Variants in PDE1C observed in about 807,000 individuals in gnomAD.
The protein encoded by PDE1C is dual specificity calcium/calmodulin-dependent 3',5'-cyclic nucleotide phosphodiesterase 1C.
PDE1C carries 62 observed loss-of-function variants against 93.1 expected under a neutral mutation model. That is an observed-to-expected ratio of 0.67 (90% CI 0.54 to 0.82). The LOEUF (loss-of-function observed/expected upper bound fraction) is 0.82, where lower values mean the gene tolerates loss of function less well. PDE1C is among the 40% of genes least tolerant of loss of function. The pLI is 0.00. For missense variants in PDE1C, 742 were observed against 884.6 expected (o/e 0.84, Z 2.04); for synonymous variants, 325 against 310.1 (o/e 1.05, Z -0.50).
intron 1 of PDE1C, among the ~76,000 whole-genome samples, chr7:32,361,099 G>A (rs189517866): frequency 6.6e-6 from 1 of 152,336 alleles, no homozygotes; most frequent in Admixed American, 6.5e-5. Context: ...GAGACACCAT[G>A]CAGGGCACCT....
chr7:32,169,132 G>A (rs1802485985), intron 3 of PDE1C, among the ~76,000 whole-genome samples: 1 of 151,800 alleles, frequency 6.6e-6, no homozygotes, highest in Non-Finnish European at 1.5e-5. Flanking sequence ...ACCCATTTGG[G>A]GAAAAAAAAA....
chr7:31,739,742 A>G, the PDE1C span, among the ~76,000 whole-genome samples: 4 of 152,220 alleles, frequency 2.6e-5, no homozygotes, highest in African/African-American at 9.6e-5. Flanking sequence ...TTTGGTGAAC[A>G]CTCAGTCAGT....
At chr7:32,273,754 C>G (rs1811118447) in intron 1 of PDE1C, among the ~76,000 whole-genome samples, 1 of 152,212 alleles carries the variant, frequency 6.6e-6, no homozygotes, top group African/African-American at 2.4e-5. Context: ...CCAACTGACT[C>G]ATCACCAAAA....
At chr7:32,028,759 T>C (rs916987380) in intron 2 of PDE1C, among the ~76,000 whole-genome samples, 1 of 152,112 alleles carries the variant, frequency 6.6e-6, no homozygotes, top group Non-Finnish European at 1.5e-5. Flanking sequence ...TTATTAACTA[T>C]ATTCACTACA....
At chr7:32,375,921 C>T (rs13221830) in intron 1 of PDE1C, among the ~76,000 whole-genome samples, 2,074 of 152,242 alleles carry the variant, frequency 0.014, 32 homozygotes, top group Middle Eastern at 0.041. Flanking sequence ...TTTGGGAGGC[C>T]GAGGCAGGCA....
chr7:31,783,349 T>C (rs1389096263), intron 16 of PDE1C, among the ~76,000 whole-genome samples: 1 of 152,152 alleles, frequency 6.6e-6, no homozygotes, highest in Non-Finnish European at 1.5e-5. Context: ...TGTGTATGTC[T>C]TTCAGCATGC....
chr7:32,109,154 A>G (rs1341820374), intron 3 of PDE1C, among the ~76,000 whole-genome samples: 4 of 152,156 alleles, frequency 2.6e-5, no homozygotes, highest in Non-Finnish European at 5.9e-5. Flanking sequence ...AACAAAATGT[A>G]CTCATATTTA....
intron 16 of PDE1C, among the ~76,000 whole-genome samples, chr7:31,782,141 G>A (rs1209095084): frequency 6.6e-6 from 1 of 152,156 alleles, no homozygotes; most frequent in African/African-American, 2.4e-5. Context: ...CAGAGAGGTG[G>A]TTAAGTAAAT....
intron 9 of PDE1C, among the ~76,000 whole-genome samples, chr7:31,844,337 G>C (rs1472590058): frequency 2.0e-5 from 3 of 151,712 alleles, no homozygotes; most frequent in African/African-American, 7.2e-5. Context: ...TTGTAACGCA[G>C]CTCCATTAGT....
chr7:32,263,350 G>T lies in PDE1C; in HGVS notation c.85+35301C>A, dbSNP rs566835010. Among the ~76,000 whole-genome samples, 6 of 151,422 alleles carry T rather than the reference G, an allele frequency of 4.0e-5. No homozygotes were observed. The South Asian group carries it at 1.1e-3, about 27-fold the overall frequency. On this transcript the variant is annotated intron_variant, in intron 1 of 18. Coordinates refer to the PDE1C transcript ENST00000396193. ...CTCCCCCTGCATATATACATGTGCG[G>T]GTGTGTGTGTGTGTCTGTGTGTCTG... is the stretch of plus-strand genomic sequence containing the variant.
the PDE1C span, among the ~76,000 whole-genome samples, chr7:31,683,135 G>A: frequency 6.6e-6 from 1 of 152,164 alleles, no homozygotes; most frequent in African/African-American, 2.4e-5. Flanking sequence ...AGACAGAGTT[G>A]GGGAAATCTG....
chr7:31,729,700 A>C, the PDE1C span, among the ~76,000 whole-genome samples: 1 of 152,298 alleles, frequency 6.6e-6, no homozygotes, highest in Non-Finnish European at 1.5e-5. Flanking sequence ...TTAGTCCAGT[A>C]AGGAATCAGG....
intron 2 of PDE1C, among the ~76,000 whole-genome samples, chr7:32,041,937 G>A (rs1038143397): frequency 4.6e-5 from 7 of 152,168 alleles, no homozygotes; most frequent in African/African-American, 1.4e-4. Context: ...TTTTGACGTT[G>A]ATTTATTCAG....
chr7:31,644,856 G>C, the PDE1C span, among the ~76,000 whole-genome samples: 1 of 152,214 alleles, frequency 6.6e-6, no homozygotes, highest in African/African-American at 2.4e-5. Flanking sequence ...TATTCAGAGC[G>C]GGGTGAAGTG....
intron 5 of PDE1C, among the ~76,000 whole-genome samples, chr7:31,874,800 T>C (rs1341231326): frequency 6.6e-6 from 1 of 152,270 alleles, no homozygotes; most frequent in Non-Finnish European, 1.5e-5. Context: ...ACATTTTCTG[T>C]GCTAGGCACA....
the PDE1C span, among the ~76,000 whole-genome samples, chr7:31,623,747 CAT>C: frequency 6.7e-6 from 1 of 149,526 alleles, no homozygotes; most frequent in Non-Finnish European, 1.5e-5. Context: ...GCCTATTCAA[CAT>C]AGTGTTGGAA....
intron 2 of PDE1C, among the ~76,000 whole-genome samples, chr7:31,934,262 C>T (rs1466843194): frequency 6.6e-6 from 1 of 152,114 alleles, no homozygotes; most frequent in East Asian, 1.9e-4. Flanking sequence ...TACATCTCTG[C>T]TCTGATAAGT....
intron 1 of PDE1C, among the ~76,000 whole-genome samples, chr7:32,420,563 A>AAG (rs1554320979): frequency 1.3e-5 from 2 of 148,196 alleles, no homozygotes; most frequent in African/African-American, 2.5e-5. Context: ...CAAAAAAAAA[A>AAG]GGGGGGGTGG....
At chr7:32,308,240 A>G (rs546537045) in intron 1 of PDE1C, among the ~76,000 whole-genome samples, 3,690 of 152,108 alleles carry the variant, frequency 0.024, 98 homozygotes, top group African/African-American at 0.064. Context: ...CGGGAAGCTC[A>G]AACTGGGTGG....
Sources: gnomAD v4.1 joint callset for allele counts (sites outside exome capture counted in the v4.1 genomes callset) on GRCh38, gnomAD v4.1.1 for gene constraint, MANE v1.5 for transcripts, NCBI Gene and HGNC (gene_info 2026-07-23, HGNC 2026-07-21) for gene names.